The following EVI5 variants were observed in gnomAD, a reference collection of about 807,000 sequenced individuals.
EVI5 encodes ecotropic viral integration site 5, also known as ecotropic viral integration site 5 protein homolog.
Under a neutral mutation model 112.0 loss-of-function variants are expected in EVI5, and 73 were observed. That is an observed-to-expected ratio of 0.65 (90% CI 0.54 to 0.79). The LOEUF (loss-of-function observed/expected upper bound fraction) is 0.79. EVI5 is among the 30% of genes least tolerant of loss of function. EVI5 has a pLI of 0.00. For missense variants in EVI5, 900 were observed against 968.8 expected, an observed-to-expected ratio of 0.93 and a Z score of 0.94; for synonymous variants, 305 against 319.9, an observed-to-expected ratio of 0.95 and a Z score of 0.50.
At chr1:92,526,089 C>G (rs1227545883) in intron 19 of EVI5, among the ~76,000 whole-genome samples, 3 of 152,156 alleles carry the variant, frequency 2.0e-5, no homozygotes, top group Non-Finnish European at 4.4e-5. Flanking sequence ...GATGGGGTCT[C>G]CCTGTGTCAT....
chr1:92,781,170 CT>C (rs1389383531), intron 1 of EVI5, among the ~76,000 whole-genome samples: 8 of 152,054 alleles, frequency 5.3e-5, no homozygotes, highest in African/African-American at 1.9e-4. Context: ...ATCTTGACCC[CT>C]GCGATTCATC....
chr1:92,631,685 C>G (rs1324588756), intron 14 of EVI5, among the ~76,000 whole-genome samples: 1 of 152,104 alleles, frequency 6.6e-6, no homozygotes, highest in African/African-American at 2.4e-5. Flanking sequence ...CTTCTCCTGC[C>G]TGATTGCCCT....
intron 1 of EVI5, among the ~76,000 whole-genome samples, chr1:92,747,945 T>C (rs1244126043): frequency 6.6e-6 from 1 of 152,084 alleles, no homozygotes; most frequent in Non-Finnish European, 1.5e-5. Flanking sequence ...CATGATCACA[T>C]GACATTCTCC....
At chr1:92,576,047 C>A (rs538078745) in intron 18 of EVI5, among the ~76,000 whole-genome samples, 1 of 151,954 alleles carries the variant, frequency 6.6e-6, no homozygotes, top group Admixed American at 6.6e-5. Context: ...TAATACAATG[C>A]ATATTTAAGG....
intron 1 of EVI5, among the ~76,000 whole-genome samples, chr1:92,774,742 T>C (rs1307931088): frequency 2.0e-5 from 3 of 152,178 alleles, no homozygotes; most frequent in African/African-American, 7.2e-5. Flanking sequence ...CTGTGTGAGT[T>C]GGATGAGCAC....
At chr1:92,787,978 A>ACG (rs1685775409), upstream of EVI5, among the ~76,000 whole-genome samples, 1 of 1,518 alleles carries the variant, frequency 6.6e-4, no homozygotes, top group East Asian at 0.062. Flanking sequence ...TCTAGAAAAG[A>ACG]AAATTAATCT....
chr1:92,626,860 G>T (rs988983208), intron 14 of EVI5, among the ~76,000 whole-genome samples: 2 of 152,012 alleles, frequency 1.3e-5, no homozygotes, highest in African/African-American at 2.4e-5. Context: ...TGTTTTTGTT[G>T]TATTTCCTCA....
chr1:92,717,743 G>C (rs1376790110), intron 2 of EVI5, among the ~76,000 whole-genome samples: 1 of 151,946 alleles, frequency 6.6e-6, no homozygotes, highest in African/African-American at 2.4e-5. Context: ...AAAAGACACA[G>C]ACTGGCAAAT....
intron 19 of EVI5, among the ~76,000 whole-genome samples, chr1:92,546,176 T>G (rs954802099): frequency 2.0e-5 from 3 of 152,166 alleles, no homozygotes; most frequent in Non-Finnish European, 2.9e-5. Flanking sequence ...AGGCATGGCC[T>G]AAGGCATGCG....
chr1:92,605,446 T>C (rs1379791559), intron 17 of EVI5, 44 bp from the exon 18 acceptor site: 6 of 1,331,090 alleles, frequency 4.5e-6, no homozygotes, highest in Admixed American at 1.7e-5. Context: ...CCAGGTGTGT[T>C]TGGAATTCAG....
chr1:92,755,454 T>G (rs1321960460), intron 1 of EVI5, among the ~76,000 whole-genome samples: 1 of 152,064 alleles, frequency 6.6e-6, no homozygotes, highest in Non-Finnish European at 1.5e-5. Context: ...ACAAAAAAAC[T>G]AATGATTTGT....
intron 18 of EVI5, among the ~76,000 whole-genome samples, chr1:92,573,615 G>C (rs963300390): frequency 1.3e-5 from 2 of 151,958 alleles, no homozygotes; most frequent in Non-Finnish European, 2.9e-5. Context: ...CAAAAATAGA[G>C]GAAAACTGTC....
intron 2 of EVI5, among the ~76,000 whole-genome samples, chr1:92,728,874 T>G (rs946044150): frequency 1.3e-5 from 2 of 152,194 alleles, no homozygotes; most frequent in Admixed American, 1.3e-4. Flanking sequence ...CCATGCTGTA[T>G]GTGCTACCAG....
intron 16 of EVI5, among the ~76,000 whole-genome samples, chr1:92,608,391 A>C (rs1650944256): frequency 6.6e-6 from 1 of 152,138 alleles, no homozygotes; most frequent in South Asian, 2.1e-4. Flanking sequence ...CAGTTCCAGA[A>C]AGAAAGCACA....
intron 1 of EVI5, among the ~76,000 whole-genome samples, chr1:92,780,876 G>A (rs892688682): frequency 2.0e-5 from 3 of 146,948 alleles, no homozygotes; most frequent in Non-Finnish European, 4.5e-5. Context: ...TTTTGAGACC[G>A]AGTCTCACTC....
intron 1 of EVI5, among the ~76,000 whole-genome samples, chr1:92,757,276 C>T (rs1176827838): frequency 2.0e-5 from 3 of 152,142 alleles, no homozygotes; most frequent in Non-Finnish European, 4.4e-5. Context: ...TCCAATTTGC[C>T]GTTTTGAGAT....
chr1:92,708,362 A>G (rs1224213639), intron 2 of EVI5, among the ~76,000 whole-genome samples: 1 of 152,208 alleles, frequency 6.6e-6, no homozygotes, highest in East Asian at 1.9e-4. Flanking sequence ...CAATAAATAC[A>G]TAAGAAGATG....
intron 5 of EVI5, among the ~76,000 whole-genome samples, chr1:92,701,727 C>A (rs1178743479): frequency 2.6e-5 from 4 of 151,744 alleles, no homozygotes; most frequent in Admixed American, 1.3e-4. Context: ...GCATAACAAG[C>A]TTTTAGCTCC....
rs72722472 is a variant in EVI5 at position 92,522,786 on chromosome 1, C to T, written c.2167-8816G>A. The stretch of plus-strand genomic sequence containing the variant: ...CATTCATTCATTTATGAGACAGGGT[C>T]TCCCACTGTCACCTAGGCTAGAGTG... On this transcript the variant is annotated intron_variant, in intron 19 of 19. Transcript: ENST00000684568. Among the ~76,000 whole-genome samples, 682 of 152,178 alleles carry T rather than the reference C, an allele frequency of 4.5e-3. 2 individuals carry two copies. The highest frequency in any genetic ancestry group is 7.5e-3 in the Non-Finnish European group (510 of 68,014).
Sources: allele counts gnomAD v4.1 joint callset (sites outside exome capture counted in the v4.1 genomes callset), GRCh38; gene constraint gnomAD v4.1.1; transcripts MANE v1.5; gene names NCBI Gene and HGNC (gene_info 2026-07-23, HGNC 2026-07-21).